Variants in SLC38A12 observed in about 807,000 individuals in gnomAD.
The protein encoded by SLC38A12 is putative sodium-coupled neutral amino acid transporter 12.
the SLC38A12 span, among the ~76,000 whole-genome samples, chr17:74,824,128 C>T: frequency 6.6e-6 from 1 of 152,228 alleles, no homozygotes; most frequent in Admixed American, 6.5e-5. Context: ...ACACTGGTGT[C>T]ACGGTGAGAT....
the SLC38A12 span, among the ~76,000 whole-genome samples, chr17:74,824,737 C>G: frequency 6.6e-6 from 1 of 152,180 alleles, no homozygotes; most frequent in African/African-American, 2.4e-5. Flanking sequence ...CATCTGTGTT[C>G]CCCTCAAAGT....
the SLC38A12 span, among the ~76,000 whole-genome samples, chr17:74,803,246 C>T: frequency 2.0e-5 from 3 of 152,056 alleles, no homozygotes; most frequent in Non-Finnish European, 4.4e-5. Flanking sequence ...GGGAGATATC[C>T]GTGTATTCAT....
the SLC38A12 span, among the ~76,000 whole-genome samples, chr17:74,791,835 T>A: frequency 6.6e-6 from 1 of 152,224 alleles, no homozygotes; most frequent in East Asian, 1.9e-4. Context: ...TCTGGTTCTT[T>A]TGGAAGATGA....
At chr17:74,796,180 G>T in the SLC38A12 span, among the ~76,000 whole-genome samples, 1 of 152,178 alleles carries the variant, frequency 6.6e-6, no homozygotes, top group Non-Finnish European at 1.5e-5. Flanking sequence ...TTGGTGGGGG[G>T]CAGGGAGCTG....
the SLC38A12 span, among the ~76,000 whole-genome samples, chr17:74,798,549 T>C: frequency 1.3e-5 from 2 of 152,128 alleles, no homozygotes; most frequent in Non-Finnish European, 2.9e-5. Flanking sequence ...CCCCTTTCCT[T>C]CCCTGGAGGA....
the SLC38A12 span, among the ~76,000 whole-genome samples, chr17:74,829,540 A>G: frequency 1.8e-4 from 27 of 152,206 alleles, no homozygotes; most frequent in South Asian, 2.1e-3. The surrounding 1 kb of genome is among the most constrained non-coding windows in gnomAD (Gnocchi z 4.1). Flanking sequence ...TCAGAGCCCA[A>G]TGGGTTTGTT....
At chr17:74,815,732 C>T in the SLC38A12 span, among the ~76,000 whole-genome samples, 1 of 152,148 alleles carries the variant, frequency 6.6e-6, no homozygotes, top group Non-Finnish European at 1.5e-5. Flanking sequence ...GTGAGTTGAG[C>T]GTTCTTGGTT....
the SLC38A12 span, among the ~76,000 whole-genome samples, chr17:74,812,662 C>A: frequency 3.9e-5 from 6 of 152,170 alleles, no homozygotes; most frequent in African/African-American, 1.4e-4. Context: ...CGCCTCCACC[C>A]AGATGAGCCC....
the SLC38A12 span, chr17:74,835,910 T>G: frequency 3.2e-6 from 5 of 1,585,514 alleles, no homozygotes; most frequent in Non-Finnish European, 4.3e-6. Flanking sequence ...AGGTGACTCC[T>G]CTCTCTCGTT....
chr17:74,824,426 C>A, the SLC38A12 span, among the ~76,000 whole-genome samples: 485 of 152,276 alleles, frequency 3.2e-3, 3 homozygotes, highest in African/African-American at 0.011. Flanking sequence ...AATCTGAGCA[C>A]CTAAGCCGAT....
At chr17:74,793,478 G>T in the SLC38A12 span, among the ~76,000 whole-genome samples, 3 of 152,178 alleles carry the variant, frequency 2.0e-5, no homozygotes, top group Non-Finnish European at 1.5e-5. Flanking sequence ...GCTCCCTTAG[G>T]GTCCCAGCTC....
At chr17:74,792,392 A>G in the SLC38A12 span, among the ~76,000 whole-genome samples, 353 of 152,062 alleles carry the variant, frequency 2.3e-3, 3 homozygotes, top group East Asian at 0.028. Context: ...CGGAGGTTGC[A>G]GTGAGCCGAG....
At chr17:74,839,142 C>A in the SLC38A12 span, 14 of 1,523,338 alleles carry the variant, frequency 9.2e-6, no homozygotes, top group Non-Finnish European at 1.1e-5. Flanking sequence ...CTGTTCCTCA[C>A]CTGAGGCTAG....
the SLC38A12 span, among the ~76,000 whole-genome samples, chr17:74,835,706 C>T: frequency 2.0e-5 from 3 of 152,220 alleles, no homozygotes; most frequent in Non-Finnish European, 2.9e-5. Flanking sequence ...CCCAGGCCCC[C>T]TGCTCAGCAG....
the SLC38A12 span, among the ~76,000 whole-genome samples, chr17:74,802,813 A>G: frequency 6.6e-5 from 10 of 152,126 alleles, no homozygotes; most frequent in East Asian, 1.9e-4. Flanking sequence ...TCTTTACCCC[A>G]TCTCCATTGT....
At chr17:74,838,457 C>T in the SLC38A12 span, 106 of 1,023,482 alleles carry the variant, frequency 1.0e-4, no homozygotes, top group Non-Finnish European at 1.1e-4. Context: ...ATTAAATCAT[C>T]CTGCCACCCG....
the SLC38A12 span, among the ~76,000 whole-genome samples, chr17:74,797,662 C>G: frequency 6.6e-6 from 1 of 152,200 alleles, no homozygotes; most frequent in Admixed American, 6.5e-5. Context: ...AGAACAGTAG[C>G]CTGCTGTTCC....
the SLC38A12 span, among the ~76,000 whole-genome samples, chr17:74,799,869 A>G: frequency 1.3e-5 from 2 of 152,150 alleles, no homozygotes; most frequent in Non-Finnish European, 2.9e-5. Context: ...CCTTTTCATG[A>G]GGGTGCAGAG....
the SLC38A12 span, among the ~76,000 whole-genome samples, chr17:74,778,639 C>CT: frequency 8.0e-3 from 603 of 75,818 alleles, 30 homozygotes; most frequent in African/African-American, 0.013. Flanking sequence ...CAGGGGAAGT[C>CT]TTTTTTTTTT....
Sources: gnomAD v4.1 joint callset for allele counts (sites outside exome capture counted in the v4.1 genomes callset) on GRCh38, gnomAD v4.1.1 for gene constraint, Gnocchi (gnomAD v3.1) non-coding constraint, MANE v1.5 for transcripts, NCBI Gene and HGNC (gene_info 2026-07-23, HGNC 2026-07-21) for gene names.